Variants in ABCB4 observed in about 807,000 individuals in gnomAD.
The protein encoded by ABCB4 is ATP binding cassette subfamily B member 4.
In ABCB4, 76 loss-of-function variants were observed where a neutral mutation model predicts 145.7. The ratio of observed to expected loss-of-function variants is 0.52; its 90% CI spans 0.43 to 0.63. ABCB4 has a LOEUF of 0.63. Ranked by LOEUF, ABCB4 falls within the 30% of genes least tolerant of loss-of-function variation. ABCB4 has a pLI of 0.00. For synonymous variants in ABCB4, 517 were observed against 566.8 expected, an observed-to-expected ratio of 0.91 and a Z score of 1.25; for missense variants, 1,234 against 1,553.1, an observed-to-expected ratio of 0.79 and a Z score of 3.45.
rs1035496493 is a variant in ABCB4 at position 87,423,924 on chromosome 7, T to C, written c.2193A>G (p.Ile731Met). 1.9e-6 allele frequency: 3 copies of C among 1,614,088 alleles called. No homozygotes were observed. The highest frequency in any genetic ancestry group is 2.2e-5 in the East Asian group (1 of 44,876). ...AACTTACCGCTATGATCTCTGAGAA[T>C]ATGACTGAAAATGCCGGCTGAAGCC... ...NGGLQPAFSV[I>M]FSEIIAIFGP... Residue 731 changes from isoleucine to methionine, a missense_variant, in exon 17 of 28, where the codon ATA (isoleucine) becomes ATG (methionine). Transcript: ENST00000649586.
the ABCB4 span, chr7:87,393,215 A>G: frequency 2.4e-6 from 2 of 831,362 alleles, no homozygotes; most frequent in African/African-American, 3.4e-5. Flanking sequence ...TAGGCATTTA[A>G]TGCATATTCA....
intron 4 of ABCB4, 21 bp downstream of exon 4, chr7:87,462,737 A>T (rs776226302): frequency 6.2e-7 from 1 of 1,612,502 alleles, no homozygotes; most frequent in Admixed American, 1.7e-5. Flanking sequence ...GGATTTTTTT[A>T]AAAGGTAAAG....
chr7:87,413,207 A>C (rs1808743649), intron 22 of ABCB4, among the ~76,000 whole-genome samples: 1 of 152,226 alleles, frequency 6.6e-6, no homozygotes. Flanking sequence ...CATTCAGAGA[A>C]CAAATGAAAT....
intron 24 of ABCB4, among the ~76,000 whole-genome samples, chr7:87,408,566 G>C (rs774600429): frequency 1.3e-5 from 2 of 152,202 alleles, no homozygotes; most frequent in Non-Finnish European, 2.9e-5. Flanking sequence ...CTAAAGGCTT[G>C]GAAATTTAGC....
chr7:87,468,111 G>A (rs1194878197), intron 3 of ABCB4, among the ~76,000 whole-genome samples: 3 of 152,144 alleles, frequency 2.0e-5, no homozygotes, highest in Admixed American at 6.5e-5. Context: ...CCAGGAGCTG[G>A]TTTTTTGAAA....
chr7:87,423,756 A>T, intron 17 of ABCB4, 150 bp downstream of exon 17: 1 of 884,864 alleles, frequency 1.1e-6, no homozygotes, highest in Non-Finnish European at 1.8e-6. Context: ...CTTTTCCCTC[A>T]CAGCTTTTCT....
At chr7:87,398,103 C>T (rs1584656801), downstream of ABCB4, among the ~76,000 whole-genome samples, 1 of 145,068 alleles carries the variant, frequency 6.9e-6, no homozygotes. Context: ...CCTTCTCTGC[C>T]TTTTTTTTTT....
At chr7:87,378,739 G>A in the ABCB4 span, among the ~76,000 whole-genome samples, 1 of 152,304 alleles carries the variant, frequency 6.6e-6, no homozygotes, top group South Asian at 2.1e-4. Flanking sequence ...GGGGAATCAG[G>A]TGCTTGGATG....
chr7:87,391,734 A>C, the ABCB4 span: 1 of 1,595,870 alleles, frequency 6.3e-7, no homozygotes, highest in East Asian at 2.3e-5. Context: ...AAAGGAAAAA[A>C]ACTCACAAGA....
At chr7:87,403,497 A>G in intron 26 of ABCB4, 1 of 559,948 alleles carries the variant, frequency 1.8e-6, no homozygotes. Flanking sequence ...TTTCTTTAAA[A>G]TAGGAGGAGG....
chr7:87,454,537 A>C lies in ABCB4; in HGVS notation c.342T>G (p.Thr114=), dbSNP rs952509584. 6.2e-7 allele frequency: 1 copy of C among 1,606,706 alleles called. No homozygotes were observed. The highest frequency in any genetic ancestry group is 1.7e-5 in the Admixed American group (1 of 59,892). The change falls in exon 5 of 28, where the codon ACT becomes ACG. Residue 114 remains threonine (T), a splice_region_variant and synonymous_variant. Coordinates refer to ENST00000649586, the MANE Select transcript of ABCB4 (RefSeq NM_000443.4). ...NPGKILEEEM[T]RYAYYYSGLG... ...AGTAGACCATATATATGAGTTACCTAGTCATTTCTTCTTCCAGAATTTTGC... is the reference window on the plus strand; with the variant it reads ...AGTAGACCATATATATGAGTTACCTCGTCATTTCTTCTTCCAGAATTTTGC...
chr7:87,388,537 ATTT>A, the ABCB4 span, among the ~76,000 whole-genome samples: 1 of 152,198 alleles, frequency 6.6e-6, no homozygotes, highest in Non-Finnish European at 1.5e-5. Context: ...AGGATTCCCT[ATTT>A]AATAAACGAT....
chr7:87,393,699 T>G, the ABCB4 span, among the ~76,000 whole-genome samples: 1 of 152,178 alleles, frequency 6.6e-6, no homozygotes, highest in African/African-American at 2.4e-5. Flanking sequence ...AAAAATTACG[T>G]GACTACATTT....
intron 18 of ABCB4, among the ~76,000 whole-genome samples, chr7:87,420,347 C>T (rs1262406780): frequency 1.3e-5 from 2 of 152,138 alleles, no homozygotes; most frequent in Non-Finnish European, 2.9e-5. Context: ...AGCTCTGACA[C>T]CACCCCATGG....
intron 15 of ABCB4, among the ~76,000 whole-genome samples, chr7:87,429,292 T>C (rs1011047656): frequency 1.3e-5 from 2 of 152,152 alleles, no homozygotes; most frequent in Non-Finnish European, 2.9e-5. Flanking sequence ...ATATCAGAGG[T>C]CATCTTACCT....
At chr7:87,409,202 T>C (rs375746937) in intron 24 of ABCB4, 34 bp downstream of exon 24, 25 of 1,613,210 alleles carry the variant, frequency 1.5e-5, no homozygotes, top group South Asian at 6.6e-5. Context: ...TAGGGAAAAA[T>C]TGATCAAGCA....
chr7:87,440,027 A>T (rs1810864323), intron 13 of ABCB4, among the ~76,000 whole-genome samples, 172 bp downstream of exon 13: 1 of 152,228 alleles, frequency 6.6e-6, no homozygotes, highest in African/African-American at 2.4e-5. Flanking sequence ...TATATTAATC[A>T]TCTACCATGC....
chr7:87,436,835 C>G (rs1810639783), intron 14 of ABCB4, among the ~76,000 whole-genome samples: 5 of 152,104 alleles, frequency 3.3e-5, no homozygotes, highest in Admixed American at 2.0e-4. Flanking sequence ...TATGATTATC[C>G]TGTCCCTGCA....
At chr7:87,468,027 G>A (rs958509421) in intron 3 of ABCB4, among the ~76,000 whole-genome samples, 7 of 152,012 alleles carry the variant, frequency 4.6e-5, no homozygotes, top group Admixed American at 3.3e-4. Flanking sequence ...CTAGCAGAAG[G>A]CAAGAAATAA....
Sources: allele counts gnomAD v4.1 joint callset (sites outside exome capture counted in the v4.1 genomes callset), GRCh38; gene constraint gnomAD v4.1.1; transcripts MANE v1.5; gene names NCBI Gene and HGNC (gene_info 2026-07-23, HGNC 2026-07-21).